The following SDCCAG8 variants were observed in gnomAD, a reference collection of about 807,000 sequenced individuals.
The protein encoded by SDCCAG8 is serologically defined colon cancer antigen 8.
SDCCAG8 carries 74 observed loss-of-function variants against 101.8 expected under a neutral mutation model. The observed-to-expected ratio is 0.73, with a 90% confidence interval of 0.60 to 0.88. SDCCAG8 has a LOEUF of 0.88. SDCCAG8 is among the 40% of genes least tolerant of loss of function. SDCCAG8 has a pLI of 0.00. For synonymous variants in SDCCAG8, 281 were observed against 292.9 expected, an observed-to-expected ratio of 0.96 and a Z score of 0.41; for missense variants, 787 against 822.6, an observed-to-expected ratio of 0.96 and a Z score of 0.53.
intron 8 of SDCCAG8, among the ~76,000 whole-genome samples, chr1:243,315,796 G>A (rs746509373): frequency 2.0e-5 from 3 of 152,132 alleles, no homozygotes; most frequent in Admixed American, 6.6e-5. Context: ...GAAACTGCAA[G>A]CATTTATTTC....
At chr1:243,448,334 G>A (rs1338363312) in intron 16 of SDCCAG8, among the ~76,000 whole-genome samples, 3 of 152,146 alleles carry the variant, frequency 2.0e-5, no homozygotes, top group African/African-American at 2.4e-5. Flanking sequence ...CTGTTGTTCC[G>A]TTCTTCTCAG....
At chr1:243,272,343 C>T (rs1375309630) in intron 3 of SDCCAG8, among the ~76,000 whole-genome samples, 1 of 152,202 alleles carries the variant, frequency 6.6e-6, no homozygotes, top group Non-Finnish European at 1.5e-5. Context: ...TACGAACACT[C>T]CATTCCAGGC....
intron 6 of SDCCAG8, among the ~76,000 whole-genome samples, chr1:243,302,011 G>A (rs1478643717): frequency 6.6e-6 from 1 of 152,148 alleles, no homozygotes. Flanking sequence ...ACTTTGGGAG[G>A]CTGAGGTGGG....
intron 9 of SDCCAG8, among the ~76,000 whole-genome samples, chr1:243,330,279 G>A (rs1019771190): frequency 7.9e-5 from 12 of 151,998 alleles, no homozygotes; most frequent in African/African-American, 2.4e-4. Flanking sequence ...ATCTGTGGCC[G>A]TCATCAAGGT....
chr1:243,476,194 T>A, intron 16 of SDCCAG8: 10 of 985,514 alleles, frequency 1.0e-5, no homozygotes, highest in Non-Finnish European at 1.2e-5. Context: ...TCAGTTACCG[T>A]GGCAACCAGC....
At chr1:243,419,354 C>A (rs908106864) in intron 15 of SDCCAG8, among the ~76,000 whole-genome samples, 1 of 152,174 alleles carries the variant, frequency 6.6e-6, no homozygotes, top group African/African-American at 2.4e-5. Context: ...AGTAGCTATT[C>A]TTAACCAGAA....
chr1:243,446,197 C>A (rs2082890273), intron 16 of SDCCAG8, among the ~76,000 whole-genome samples: 1 of 152,200 alleles, frequency 6.6e-6, no homozygotes, highest in African/African-American at 2.4e-5. Context: ...CTGAGTCAGA[C>A]AAGTAAAGAT....
chr1:243,257,785 A>C (rs1236577444), intron 1 of SDCCAG8, among the ~76,000 whole-genome samples: 1 of 152,230 alleles, frequency 6.6e-6, no homozygotes, highest in Non-Finnish European at 1.5e-5. Flanking sequence ...TTAGATACAA[A>C]ATAAGCACTT....
intron 16 of SDCCAG8, among the ~76,000 whole-genome samples, chr1:243,449,758 C>T (rs1206363839): frequency 6.6e-6 from 1 of 152,144 alleles, no homozygotes; most frequent in African/African-American, 2.4e-5. Flanking sequence ...CTGTTAGGCC[C>T]GACTGGACCA....
In SDCCAG8 at chr1:243,402,087, T is replaced by C. The variant is rs2079434395; in HGVS notation, c.1617-13615T>C. On this transcript the variant is annotated intron_variant, in intron 13 of 17. Transcript: ENST00000366541. ...TAGAAATACAGAGGGAGCCACAAAA[T>C]GTAAACCACACATGTCATTTAAAAT... Among the ~76,000 whole-genome samples the C allele has an allele frequency of 3.3e-5, 5 of 152,194 alleles. No individual in the cohort carries two copies. In the South Asian group the frequency reaches 1.0e-3, roughly 32 times the overall value.
intron 13 of SDCCAG8, among the ~76,000 whole-genome samples, chr1:243,404,519 A>G (rs1054304216): frequency 6.6e-6 from 1 of 152,236 alleles, no homozygotes; most frequent in Admixed American, 6.5e-5. Context: ...TGACTTAATT[A>G]TTGTATCAAG....
intron 16 of SDCCAG8, among the ~76,000 whole-genome samples, chr1:243,480,292 GTGGATGGATGAGTGGGA>G (rs879499772): frequency 0.03 from 4,293 of 144,426 alleles, 184 homozygotes; most frequent in African/African-American, 0.088. Context: ...GAATGGATGG[GTGGATGGATGAGTGGGA>G]TGGATGGATG....
At chr1:243,346,982 T>C (rs2075752612) in intron 12 of SDCCAG8, among the ~76,000 whole-genome samples, 1 of 152,112 alleles carries the variant, frequency 6.6e-6, no homozygotes, top group African/African-American at 2.4e-5. Flanking sequence ...GTCCTCTTCC[T>C]CAGTCCTATT....
intron 8 of SDCCAG8, among the ~76,000 whole-genome samples, chr1:243,312,954 T>C (rs1389447975): frequency 6.6e-6 from 1 of 152,248 alleles, no homozygotes; most frequent in Non-Finnish European, 1.5e-5. Context: ...AGAGTAACAG[T>C]AACCTCTTTT....
chr1:243,465,408 G>C (rs575883969), intron 16 of SDCCAG8, among the ~76,000 whole-genome samples: 1 of 152,228 alleles, frequency 6.6e-6, no homozygotes, highest in East Asian at 1.9e-4. Context: ...TGGGAGTCGT[G>C]AATTTGGCTT....
At chr1:243,359,896 T>A (rs2076598642) in intron 12 of SDCCAG8, among the ~76,000 whole-genome samples, 2 of 152,200 alleles carry the variant, frequency 1.3e-5, no homozygotes, top group African/African-American at 4.8e-5. Flanking sequence ...ACTCCTTTTA[T>A]AATGATACTC....
chr1:243,408,196 C>T (rs115021608), intron 13 of SDCCAG8, among the ~76,000 whole-genome samples: 2,710 of 152,232 alleles, frequency 0.018, 94 homozygotes, highest in African/African-American at 0.062. Flanking sequence ...TTCATTCATT[C>T]GTTTATTCAT....
chr1:243,263,822 T>G (rs2067375218), intron 1 of SDCCAG8, among the ~76,000 whole-genome samples: 1 of 152,198 alleles, frequency 6.6e-6, no homozygotes, highest in Non-Finnish European at 1.5e-5. Context: ...TGTAATTGCC[T>G]TTCACAAAGC....
intron 1 of SDCCAG8, among the ~76,000 whole-genome samples, chr1:243,268,285 T>C (rs1315412547): frequency 6.6e-6 from 1 of 152,272 alleles, no homozygotes; most frequent in Non-Finnish European, 1.5e-5. Flanking sequence ...CTCCATGAAC[T>C]GAATTGCTTA....
Sources: gnomAD v4.1 joint callset for allele counts (sites outside exome capture counted in the v4.1 genomes callset) on GRCh38, gnomAD v4.1.1 for gene constraint, MANE v1.5 for transcripts, NCBI Gene and HGNC (gene_info 2026-07-23, HGNC 2026-07-21) for gene names.